PELI2: variants seen among roughly 807,000 people sequenced by gnomAD.
PELI2 encodes the protein E3 ubiquitin-protein ligase pellino homolog 2.
Under a neutral mutation model 42.3 loss-of-function variants are expected in PELI2, and 23 were observed. The ratio of observed to expected loss-of-function variants is 0.54; its 90% CI spans 0.39 to 0.77. The LOEUF (loss-of-function observed/expected upper bound fraction) is 0.77. Ranked by LOEUF, PELI2 falls within the 30% of genes least tolerant of loss-of-function variation. PELI2 has a pLI of 0.00. For synonymous variants in PELI2, 245 were observed against 212.2 expected, an observed-to-expected ratio of 1.15 and a Z score of -1.34; for missense variants, 463 against 553.2, an observed-to-expected ratio of 0.84 and a Z score of 1.64.
At chr14:56,191,841 A>T (rs1171723007) in intron 2 of PELI2, among the ~76,000 whole-genome samples, 2 of 152,158 alleles carry the variant, frequency 1.3e-5, no homozygotes, top group African/African-American at 4.8e-5. Flanking sequence ...AAAAGATTTT[A>T]TTTTTATTTT....
chr14:56,217,910 A>G (rs368143555), intron 2 of PELI2, among the ~76,000 whole-genome samples: 84 of 152,348 alleles, frequency 5.5e-4, no homozygotes, highest in Middle Eastern at 3.4e-3. Flanking sequence ...CAGCTAATAC[A>G]GAGCTACTAT....
chr14:56,192,106 C>T (rs538868128), intron 2 of PELI2, among the ~76,000 whole-genome samples: 16 of 152,314 alleles, frequency 1.1e-4, no homozygotes, highest in Middle Eastern at 3.4e-3. Context: ...CCACCTGCCT[C>T]GGCCTCCCAA....
intron 2 of PELI2, among the ~76,000 whole-genome samples, chr14:56,261,152 G>A (rs1888703006): frequency 6.6e-6 from 1 of 152,118 alleles, no homozygotes; most frequent in African/African-American, 2.4e-5. Flanking sequence ...GACAAGGGCA[G>A]CATGCTGTAA....
At chr14:56,145,525 T>C (rs1348871461) in intron 1 of PELI2, among the ~76,000 whole-genome samples, 1 of 152,234 alleles carries the variant, frequency 6.6e-6, no homozygotes, top group African/African-American at 2.4e-5. Context: ...CCACACCTTC[T>C]TTCCACTCCT....
chr14:56,134,896 G>A (rs1886111118), intron 1 of PELI2, among the ~76,000 whole-genome samples: 1 of 151,338 alleles, frequency 6.6e-6, no homozygotes, highest in African/African-American at 2.4e-5. Flanking sequence ...ACTTCAGTTC[G>A]TAGAATTCTC....
intron 2 of PELI2, among the ~76,000 whole-genome samples, chr14:56,267,199 A>C (rs1021828888): frequency 2.6e-5 from 4 of 152,124 alleles, no homozygotes; most frequent in African/African-American, 9.6e-5. Flanking sequence ...ACCCCATAAA[A>C]TTAAGTGTTA....
At position 56,133,324 on chromosome 14, in the gene PELI2, G is replaced by A. The variant is rs188401819; in HGVS notation, c.77+14587G>A. 4.3e-4 allele frequency among the ~76,000 whole-genome samples: 65 copies of A among 151,724 alleles called. 1 individual carries two copies. Among genetic ancestry groups the A allele is most frequent in the African/African-American group, 1.1e-3 (44 of 41,318 alleles). ...GGTGAATACAAGTCTGCTTTTTTTC[G>A]GCAAGTTGAGGGGGCAGCATCAGGA... On this transcript the variant is annotated intron_variant, in intron 1 of 5. Coordinates refer to ENST00000267460, the MANE Select transcript of PELI2 (RefSeq NM_021255.3).
At position 56,282,283 on chromosome 14, in the gene PELI2, A is replaced by G. The variant is rs1362799893; in HGVS notation, c.309+2506A>G. Among the ~76,000 whole-genome samples the G allele has an allele frequency of 2.0e-5, 3 of 152,264 alleles. No homozygotes were observed. The East Asian group carries it at 5.8e-4, about 29-fold the overall frequency. On this transcript the variant is annotated intron_variant, in intron 3 of 5. Transcript: ENST00000267460. Reference sequence around the variant, plus strand: ...ACAGAAAGAGCTCCAAACATATTAAATGAGTTAAATATTAATATTATTGAG... The same window carrying G: ...ACAGAAAGAGCTCCAAACATATTAAGTGAGTTAAATATTAATATTATTGAG...
intron 2 of PELI2, among the ~76,000 whole-genome samples, chr14:56,183,710 C>T (rs767990019): frequency 3.3e-5 from 5 of 152,078 alleles, no homozygotes; most frequent in African/African-American, 1.2e-4. Flanking sequence ...ACTTAAAATG[C>T]AATATTCAAG....
chr14:56,122,449 G>T (rs1322413817), intron 1 of PELI2, among the ~76,000 whole-genome samples: 1 of 152,152 alleles, frequency 6.6e-6, no homozygotes. Flanking sequence ...CAGCAGCGCT[G>T]TCAGTTCCTC....
chr14:56,216,834 C>T (rs1566643019), intron 2 of PELI2, among the ~76,000 whole-genome samples: 1 of 152,178 alleles, frequency 6.6e-6, no homozygotes, highest in Non-Finnish European at 1.5e-5. Context: ...CTGTGTGCCA[C>T]GAGCTGTTGA....
intron 2 of PELI2, among the ~76,000 whole-genome samples, chr14:56,241,055 C>T (rs1239733476): frequency 6.6e-6 from 1 of 152,020 alleles, no homozygotes; most frequent in Non-Finnish European, 1.5e-5. Flanking sequence ...TTGCTTGGCT[C>T]CTGGAACACT....
In PELI2 at chr14:56,228,088, G is replaced by C. The variant is rs556300009; in HGVS notation, c.207+49624G>C. ...GTACAATGCTTTAATAATTTTATCT[G>C]AATAGAAGGCCATGCTTTCAAAGAA... On this transcript the variant is annotated intron_variant, in intron 2 of 5. Coordinates refer to ENST00000267460, the MANE Select transcript of PELI2 (RefSeq NM_021255.3). Among the ~76,000 whole-genome samples the C allele has an allele frequency of 2.6e-5, 4 of 152,318 alleles. No individual in the cohort carries two copies. In the South Asian group the frequency reaches 8.3e-4, roughly 32 times the overall value.
At chr14:56,231,902 T>C (rs879110072) in intron 2 of PELI2, among the ~76,000 whole-genome samples, 4 of 151,542 alleles carry the variant, frequency 2.6e-5, no homozygotes, top group African/African-American at 7.3e-5. Flanking sequence ...ATCAAATAGA[T>C]GCAATAAAAA....
At position 56,227,201 on chromosome 14, in the gene PELI2, G is replaced by A. The variant is rs141781971; in HGVS notation, c.207+48737G>A. Among the ~76,000 whole-genome samples, 175 of 152,310 alleles carry A rather than the reference G, an allele frequency of 1.1e-3. 3 individuals carry two copies. The highest frequency in any genetic ancestry group is 6.8e-3 in the Middle Eastern group (2 of 292). On this transcript the variant is annotated intron_variant, in intron 2 of 5. Coordinates refer to ENST00000267460, the MANE Select transcript of PELI2 (RefSeq NM_021255.3). ...GGTAACTGTGTGTGTGGGGAGCGGG[G>A]CACTGGGCCAGGGCAGGCCAGCTGG...
intron 1 of PELI2, among the ~76,000 whole-genome samples, chr14:56,125,946 T>A (rs766779404): frequency 2.6e-5 from 4 of 152,194 alleles, no homozygotes; most frequent in Admixed American, 1.3e-4. Context: ...GCTTAGTGAA[T>A]GTTTCTGGAC....
intron 2 of PELI2, among the ~76,000 whole-genome samples, chr14:56,249,726 G>T (rs762582215): frequency 1.3e-5 from 2 of 152,182 alleles, no homozygotes; most frequent in Non-Finnish European, 1.5e-5. Context: ...AAAATGTGTG[G>T]CTCGTGTGTT....
intron 2 of PELI2, among the ~76,000 whole-genome samples, chr14:56,243,212 C>A (rs565237250): frequency 6.6e-6 from 1 of 152,220 alleles, no homozygotes; most frequent in Non-Finnish European, 1.5e-5. Context: ...ACCAACCTGC[C>A]AGGGGAATGT....
intron 2 of PELI2, among the ~76,000 whole-genome samples, chr14:56,253,652 A>G (rs191536467): frequency 3.5e-4 from 53 of 152,348 alleles, no homozygotes; most frequent in Admixed American, 1.4e-3. Flanking sequence ...AGGGATGTGA[A>G]TGATCTCTTC....
Sources: allele counts gnomAD v4.1 joint callset (sites outside exome capture counted in the v4.1 genomes callset), GRCh38; gene constraint gnomAD v4.1.1; transcripts MANE v1.5; gene names NCBI Gene and HGNC (gene_info 2026-07-23, HGNC 2026-07-21).